The following AGBL1 variants were observed in gnomAD, a reference collection of about 807,000 sequenced individuals.
AGBL1 encodes the protein cytosolic carboxypeptidase 4.
Under a neutral mutation model 118.9 loss-of-function variants are expected in AGBL1, and 130 were observed. That is an observed-to-expected ratio of 1.09 (90% confidence interval 0.95 to 1.26). The LOEUF (loss-of-function observed/expected upper bound fraction) is 1.26. Ranked by LOEUF, AGBL1 falls within the 50% of genes most tolerant of loss-of-function variation. AGBL1 has a pLI of 0.00. For synonymous variants in AGBL1, 555 were observed against 478.9 expected (o/e 1.16, Z -2.08); for missense variants, 1,584 against 1,298.1 (o/e 1.22, Z -3.38).
intron 23 of AGBL1, among the ~76,000 whole-genome samples, chr15:86,922,407 C>T (rs576257470): frequency 2.6e-5 from 4 of 152,322 alleles, no homozygotes; most frequent in African/African-American, 9.6e-5. Flanking sequence ...TCTCCTCTCT[C>T]AGCCTCCCAA....
chr15:86,374,648 C>T (rs1283293975), intron 17 of AGBL1, among the ~76,000 whole-genome samples: 1 of 152,200 alleles, frequency 6.6e-6, no homozygotes, highest in Non-Finnish European at 1.5e-5. Context: ...CCTCATGCAT[C>T]TATCTGGCCA....
chr15:86,704,085 A>G (rs771576451), intron 22 of AGBL1, among the ~76,000 whole-genome samples: 20 of 152,222 alleles, frequency 1.3e-4, no homozygotes, highest in Non-Finnish European at 2.2e-4. Context: ...CTGGCTAGCC[A>G]TATGCAGAAA....
intron 18 of AGBL1, among the ~76,000 whole-genome samples, chr15:86,403,671 T>G (rs2081480949): frequency 6.6e-6 from 1 of 152,168 alleles, no homozygotes; most frequent in African/African-American, 2.4e-5. Flanking sequence ...GCCCAACAAA[T>G]GTAGGTGTTC....
intron 23 of AGBL1, among the ~76,000 whole-genome samples, chr15:86,975,725 C>T (rs1596696288): frequency 8.1e-6 from 1 of 123,878 alleles, no homozygotes; most frequent in Admixed American, 8.3e-5. Context: ...GCTTAACCAT[C>T]CCACACTCAA....
intron 24 of AGBL1, among the ~76,000 whole-genome samples, chr15:86,991,323 A>G (rs1230806037): frequency 6.7e-6 from 1 of 149,180 alleles, no homozygotes; most frequent in Non-Finnish European, 1.5e-5. Flanking sequence ...TAAAACTATC[A>G]TATGTCTCTA....
At chr15:86,265,557 T>C (rs1167795111) in intron 11 of AGBL1, among the ~76,000 whole-genome samples, 2 of 152,212 alleles carry the variant, frequency 1.3e-5, no homozygotes. Flanking sequence ...GAAAGTTTTC[T>C]TATTATCCAC....
At chr15:86,716,984 T>C (rs1025992756) in intron 22 of AGBL1, among the ~76,000 whole-genome samples, 2 of 152,208 alleles carry the variant, frequency 1.3e-5, no homozygotes, top group Non-Finnish European at 2.9e-5. Flanking sequence ...AAGGCAGAGA[T>C]GATAATATAA....
chr15:86,717,793 A>G (rs1341602001), intron 22 of AGBL1, among the ~76,000 whole-genome samples: 2 of 152,150 alleles, frequency 1.3e-5, no homozygotes, highest in African/African-American at 4.8e-5. Context: ...TTAAAACCCA[A>G]TTCAGGCCGG....
intron 7 of AGBL1, among the ~76,000 whole-genome samples, chr15:86,251,017 GAGA>G (rs2142000258): frequency 6.6e-6 from 1 of 152,354 alleles, no homozygotes; most frequent in Admixed American, 6.5e-5. Flanking sequence ...GGAAGAGGAA[GAGA>G]AGAAGTAGGA....
chr15:86,295,663 C>T (rs146611655), intron 17 of AGBL1: 1 of 304,096 alleles, frequency 3.3e-6, no homozygotes, highest in East Asian at 5.8e-5. Context: ...TAATGATGGT[C>T]ACTTCCTCTC....
intron 6 of AGBL1, among the ~76,000 whole-genome samples, chr15:86,245,503 A>C (rs2078705871): frequency 6.6e-6 from 1 of 152,212 alleles, no homozygotes. Context: ...CAAGAGGGCC[A>C]GGCATCTACT....
chr15:86,506,320 G>A (rs1312897515), intron 18 of AGBL1, among the ~76,000 whole-genome samples: 1 of 152,008 alleles, frequency 6.6e-6, no homozygotes, highest in East Asian at 1.9e-4. Flanking sequence ...TCTCCCTGTG[G>A]ACATTTTCCC....
intron 6 of AGBL1, among the ~76,000 whole-genome samples, chr15:86,246,846 G>C (rs2078728521): frequency 6.6e-6 from 1 of 152,086 alleles, no homozygotes; most frequent in Non-Finnish European, 1.5e-5. Flanking sequence ...ATCTCATTCA[G>C]CATCTTCTCC....
intron 22 of AGBL1, among the ~76,000 whole-genome samples, chr15:86,804,951 A>G (rs898428494): frequency 7.2e-5 from 11 of 152,268 alleles, no homozygotes; most frequent in South Asian, 6.2e-4. Context: ...AGATTAGCCA[A>G]TAAGGGAGAT....
chr15:86,870,083 T>A (rs927427593), intron 22 of AGBL1, among the ~76,000 whole-genome samples: 3 of 152,152 alleles, frequency 2.0e-5, no homozygotes, highest in Non-Finnish European at 1.5e-5. Flanking sequence ...AGACCCCCTA[T>A]TCTAACACAC....
rs2132654 is a variant in AGBL1, at chr15:86,313,858, G to C, written c.2374+18450G>C. The stretch of plus-strand genomic sequence containing the variant: ...ATCTTTAGTTCAGAGCTGGTCAGAA[G>C]AGCTAGGCTTTTTCAACCCTGTATT... On this transcript the variant is annotated intron_variant, in intron 17 of 22. Transcript: ENST00000614907. 3.3e-5 allele frequency among the ~76,000 whole-genome samples: 5 copies of C among 152,180 alleles called. 1 individual carries two copies. The highest frequency in any genetic ancestry group is 3.3e-4 in the Admixed American group (5 of 15,286).
intron 22 of AGBL1, among the ~76,000 whole-genome samples, chr15:86,682,700 T>C (rs1409509646): frequency 6.6e-6 from 1 of 152,014 alleles, no homozygotes; most frequent in African/African-American, 2.4e-5. Flanking sequence ...TTCTTAGCAG[T>C]AAAAAAAGAA....
intron 5 of AGBL1, among the ~76,000 whole-genome samples, chr15:86,184,634 A>G (rs1388848572): frequency 3.3e-5 from 5 of 151,984 alleles, no homozygotes; most frequent in Non-Finnish European, 7.4e-5. Context: ...GTCTTTTCAC[A>G]TAGTCCCATA....
chr15:86,093,128 C>T (rs150349234), intron 1 of AGBL1, among the ~76,000 whole-genome samples: 100 of 152,142 alleles, frequency 6.6e-4, no homozygotes, highest in African/African-American at 2.3e-3. Flanking sequence ...GTGATCCACT[C>T]CCTGCTTTAG....
Sources: gnomAD v4.1 joint callset for allele counts (sites outside exome capture counted in the v4.1 genomes callset) on GRCh38, gnomAD v4.1.1 for gene constraint, MANE v1.5 for transcripts, NCBI Gene and HGNC (gene_info 2026-07-23, HGNC 2026-07-21) for gene names.